The following S100A13 variants were observed in gnomAD, a reference collection of about 807,000 sequenced individuals.
S100A13 encodes protein S100-A13.
Under a neutral mutation model 8.2 loss-of-function variants are expected in S100A13, and 6 were observed. The ratio of observed to expected loss-of-function variants is 0.73; its 90% CI spans 0.40 to 1.44. S100A13 has a LOEUF of 1.44. S100A13 is among the 40% of genes most tolerant of loss of function. S100A13 has a pLI of 0.02. For missense variants in S100A13, 114 were observed against 113.6 expected (o/e 1.00, Z -0.02); for synonymous variants, 39 against 45.9 (o/e 0.85, Z 0.61).
At chr1:153,625,090 T>G (rs927706559) in intron 2 of S100A13, among the ~76,000 whole-genome samples, 4 of 151,840 alleles carry the variant, frequency 2.6e-5, no homozygotes, top group Non-Finnish European at 5.9e-5. Context: ...AAGAAAAAAT[T>G]AGCCAGGCAG....
chr1:153,619,686 T>C (rs1667114203), intron 2 of S100A13, among the ~76,000 whole-genome samples: 2 of 152,130 alleles, frequency 1.3e-5, no homozygotes, highest in Non-Finnish European at 2.9e-5. Context: ...TGTTGCCAGA[T>C]AAACAAGCAC....
At chr1:153,633,002 A>T (rs1267087912), upstream of S100A13, 1 of 152,044 alleles carries the variant, frequency 6.6e-6, no homozygotes, top group Non-Finnish European at 1.5e-5. Flanking sequence ...CTCTACTAAA[A>T]ATACAAAAAT....
chr1:153,628,779 C>G (rs1028246275), upstream of S100A13: 1 of 473,902 alleles, frequency 2.1e-6, no homozygotes, highest in African/African-American at 1.9e-5. Flanking sequence ...GGCCCTCCCA[C>G]AGGGAGCCCT....
upstream of S100A13, chr1:153,631,760 G>C (rs1486545713): frequency 6.2e-7 from 1 of 1,614,082 alleles, no homozygotes. Context: ...ATGGAGACGG[G>C]GAGGTGGACT....
chr1:153,623,204 G>A (rs1667383883), intron 2 of S100A13, among the ~76,000 whole-genome samples: 1 of 151,348 alleles, frequency 6.6e-6, no homozygotes, highest in South Asian at 2.1e-4. Context: ...CTTTTTTTTT[G>A]AGACGGAGTC....
chr1:153,621,092 T>C (rs1367471605), intron 2 of S100A13, among the ~76,000 whole-genome samples: 1 of 151,772 alleles, frequency 6.6e-6, no homozygotes, highest in African/African-American at 2.4e-5. Flanking sequence ...AAAGGCTCAA[T>C]CAGCTAAAAA....
At chr1:153,620,593 A>G (rs1667180534) in intron 2 of S100A13, among the ~76,000 whole-genome samples, 1 of 152,338 alleles carries the variant, frequency 6.6e-6, no homozygotes, top group East Asian at 1.9e-4. Flanking sequence ...AAAAATCCAC[A>G]AAGTTCCAAA....
At chr1:153,625,926 G>A (rs911360081) in intron 2 of S100A13, among the ~76,000 whole-genome samples, 12 of 152,336 alleles carry the variant, frequency 7.9e-5, no homozygotes, top group Non-Finnish European at 1.5e-4. Context: ...ACAGCACTTT[G>A]GGAGGCCGAG....
At chr1:153,621,757 G>GCA (rs1249105159) in intron 2 of S100A13, among the ~76,000 whole-genome samples, 1 of 151,572 alleles carries the variant, frequency 6.6e-6, no homozygotes, top group African/African-American at 2.4e-5. Flanking sequence ...GCATGGTGAT[G>GCA]CACGGTTCAA....
upstream of S100A13, chr1:153,631,804 C>A: frequency 6.2e-7 from 1 of 1,614,160 alleles, no homozygotes; most frequent in Non-Finnish European, 8.5e-7. Context: ...GCTGCTCTCA[C>A]AGTGGCCTGT....
At chr1:153,626,001 C>G (rs1667594877) in intron 2 of S100A13, among the ~76,000 whole-genome samples, 1 of 152,164 alleles carries the variant, frequency 6.6e-6, no homozygotes. Flanking sequence ...AACCCTGTCT[C>G]TACTAAAAAT....
upstream of S100A13, chr1:153,630,291 G>A: frequency 1.8e-6 from 1 of 566,648 alleles, no homozygotes; most frequent in Non-Finnish European, 3.0e-6. Flanking sequence ...CCCTCTGGCT[G>A]GGGTACAGAC....
upstream of S100A13, chr1:153,630,626 AGAGCTGCTGCAGACG>A: frequency 6.2e-7 from 1 of 1,614,242 alleles, no homozygotes; most frequent in East Asian, 2.2e-5. Flanking sequence ...AGGAGCTGAA[AGAGCTGCTGCAGACG>A]GAGCTCTCTG....
chr1:153,628,384 G>T (rs1387263614), upstream of S100A13: 4 of 1,548,212 alleles, frequency 2.6e-6, no homozygotes, highest in African/African-American at 1.4e-5. Context: ...CGGTGGGGGG[G>T]TCAGCGGGGG....
upstream of S100A13, chr1:153,631,800 C>CT (rs1047484757): frequency 3.1e-6 from 5 of 1,614,068 alleles, no homozygotes; most frequent in Non-Finnish European, 4.2e-6. Flanking sequence ...TGTGGCTGCT[C>CT]TCACAGTGGC....
At chr1:153,624,445 C>T (rs1359587948) in intron 2 of S100A13, among the ~76,000 whole-genome samples, 1 of 151,268 alleles carries the variant, frequency 6.6e-6, no homozygotes, top group Non-Finnish European at 1.5e-5. Context: ...TCTTCCAAGG[C>T]GCTGGGAAGT....
In S100A13 at chr1:153,618,950, CCAAT is replaced by C. The variant is rs1667060816; in HGVS notation, c.238_241del (p.Ile80GlyfsTer13). ...CTTCCTGATTTCCTTGGCCAGCTCC[CCAAT>C]CAATCTCCAGTACTCATTGAACTTG... On this transcript the variant is annotated frameshift_variant, in exon 3 of 3. Coordinates refer to ENST00000476133, the MANE Select transcript of S100A13 (RefSeq NM_001024211.2). LOFTEE classifies it high-confidence loss of function. The C allele has an allele frequency of 6.2e-7, 1 of 1,614,030 alleles. No homozygotes were observed. The highest frequency in any genetic ancestry group is 1.1e-5 in the South Asian group (1 of 91,084).
chr1:153,618,856 T>C lies in S100A13; in HGVS notation c.*39A>G, dbSNP rs1465037537. On this transcript the variant is annotated 3_prime_UTR_variant, in exon 3 of 3. Coordinates refer to ENST00000476133, the MANE Select transcript of S100A13 (RefSeq NM_001024211.2). ...AGAGTGCGGTTCTGCTCGGCCCTGA[T>C]CAGCTCTGCCCTGCCCACCCCATCT... 2 of 1,607,812 alleles carry C rather than the reference T, an allele frequency of 1.2e-6. No individual in the cohort carries two copies.
intron 2 of S100A13, among the ~76,000 whole-genome samples, chr1:153,625,465 A>C (rs1667556872): frequency 6.6e-6 from 1 of 152,126 alleles, no homozygotes; most frequent in African/African-American, 2.4e-5. Context: ...AGAAGGAATG[A>C]CTCTTACACC....
Sources: allele counts gnomAD v4.1 joint callset (sites outside exome capture counted in the v4.1 genomes callset), GRCh38; gene constraint gnomAD v4.1.1; transcripts MANE v1.5; gene names NCBI Gene and HGNC (gene_info 2026-07-23, HGNC 2026-07-21).